Variants in GRIK1 observed in about 807,000 individuals in gnomAD.
GRIK1 encodes glutamate ionotropic receptor kainate type subunit 1, also known as glutamate receptor ionotropic, kainate 1.
GRIK1 carries 69 observed loss-of-function variants against 105.7 expected under a neutral mutation model. The observed-to-expected ratio is 0.65, with a 90% confidence interval of 0.54 to 0.80. The LOEUF is 0.80. Ranked by LOEUF, GRIK1 falls within the 30% of genes least tolerant of loss-of-function variation. GRIK1 has a pLI of 0.00. For missense variants in GRIK1, 1,109 were observed against 1,167.3 expected (o/e 0.95, Z 0.73); for synonymous variants, 438 against 431.3 (o/e 1.02, Z -0.19).
intron 1 of GRIK1, among the ~76,000 whole-genome samples, chr21:29,713,836 T>C (rs1417399302): frequency 6.6e-6 from 1 of 152,126 alleles, no homozygotes; most frequent in Non-Finnish European, 1.5e-5. Context: ...TGCCATTTGT[T>C]TTTTTTTGCT....
chr21:29,688,125 G>T (rs1245960157), intron 3 of GRIK1, among the ~76,000 whole-genome samples: 1 of 152,194 alleles, frequency 6.6e-6, no homozygotes, highest in East Asian at 1.9e-4. Context: ...ACAGCAAGCA[G>T]GTAAAGTTCT....
At chr21:29,578,808 AATTG>A (rs1438206518) in intron 13 of GRIK1, among the ~76,000 whole-genome samples, 1 of 152,100 alleles carries the variant, frequency 6.6e-6, no homozygotes, top group Non-Finnish European at 1.5e-5. Flanking sequence ...CTTTGTACTT[AATTG>A]ATCTAGCAGT....
intron 1 of GRIK1, among the ~76,000 whole-genome samples, chr21:29,794,277 AATC>A (rs1266767868): frequency 2.0e-4 from 31 of 152,358 alleles, no homozygotes; most frequent in Middle Eastern, 3.4e-3. Flanking sequence ...AGTGCATAGA[AATC>A]ATCAATTATT....
chr21:29,554,091 A>G (rs750707396), intron 16 of GRIK1, among the ~76,000 whole-genome samples: 2 of 152,172 alleles, frequency 1.3e-5, no homozygotes, highest in Non-Finnish European at 2.9e-5. Context: ...AAGTGGATCT[A>G]TTATCAGATT....
chr21:29,904,689 G>A (rs902198109), intron 1 of GRIK1, among the ~76,000 whole-genome samples: 2 of 152,104 alleles, frequency 1.3e-5, no homozygotes, highest in Non-Finnish European at 2.9e-5. Flanking sequence ...ACCAGGATGG[G>A]CCCTTCTGAA....
chr21:29,702,281 C>T (rs2063826679), intron 1 of GRIK1, among the ~76,000 whole-genome samples: 2 of 151,968 alleles, frequency 1.3e-5, no homozygotes, highest in South Asian at 2.1e-4. Context: ...GTGCATGTAC[C>T]CCTGAACTTA....
At chr21:29,919,354 G>T (rs774092998) in intron 1 of GRIK1, among the ~76,000 whole-genome samples, 1 of 152,156 alleles carries the variant, frequency 6.6e-6, no homozygotes, top group Admixed American at 6.6e-5. Flanking sequence ...CTGCAGAAAA[G>T]TGTCTCTTGT....
chr21:29,847,366 C>T (rs569944593), intron 1 of GRIK1, among the ~76,000 whole-genome samples: 146 of 152,262 alleles, frequency 9.6e-4, no homozygotes, highest in Non-Finnish European at 1.5e-3. Flanking sequence ...GAGGCCCAGG[C>T]GGGTGGATCA....
chr21:29,630,590 G>A (rs1265843655), intron 7 of GRIK1: 2 of 471,350 alleles, frequency 4.2e-6, no homozygotes, highest in Non-Finnish European at 8.8e-6. Context: ...CAACAACTAC[G>A]TGAGCTTGGA....
chr21:29,604,218 C>G (rs2061571495), intron 7 of GRIK1, among the ~76,000 whole-genome samples: 1 of 152,154 alleles, frequency 6.6e-6, no homozygotes. Context: ...CGCTTTTTCT[C>G]CTGCTCATCC....
At chr21:29,935,454 G>A (rs2071715294) in intron 1 of GRIK1, among the ~76,000 whole-genome samples, 4 of 152,050 alleles carry the variant, frequency 2.6e-5, no homozygotes, top group Admixed American at 1.3e-4. Context: ...TTAAAATGAT[G>A]AAAAAACTAA....
chr21:29,604,154 T>A lies in GRIK1; in HGVS notation c.1099-5217A>T, dbSNP rs151033330. Among the ~76,000 whole-genome samples the A allele has an allele frequency of 2.6e-5, 4 of 152,328 alleles. No individual in the cohort carries two copies. The East Asian group carries it at 7.7e-4, about 29-fold the overall frequency. ...GTTTGTTTGGATTCTCTTGCATTGA[T>A]TTTATTCTTGAACTTAGTGTTCCAA... is the stretch of plus-strand genomic sequence containing the variant. On this transcript the variant is annotated intron_variant, in intron 7 of 17. Coordinates refer to ENST00000327783, the MANE Select transcript of GRIK1 (RefSeq NM_001330994.2).
At chr21:29,860,417 T>G (rs1005604237) in intron 1 of GRIK1, among the ~76,000 whole-genome samples, 1 of 152,102 alleles carries the variant, frequency 6.6e-6, no homozygotes, top group African/African-American at 2.4e-5. Context: ...AGACAGAAAT[T>G]TTGACAAATA....
At chr21:29,848,747 T>TTG (rs143185091) in intron 1 of GRIK1, among the ~76,000 whole-genome samples, 46,327 of 76,364 alleles carry the variant, frequency 0.61, 16,797 homozygotes, top group Non-Finnish European at 0.76. Context: ...ATAGACCAAG[T>TTG]TGTGTGTGTA....
At chr21:29,837,904 T>C (rs2067856088) in intron 1 of GRIK1, among the ~76,000 whole-genome samples, 1 of 152,174 alleles carries the variant, frequency 6.6e-6, no homozygotes, top group African/African-American at 2.4e-5. Context: ...AGAAACTTTA[T>C]ATTTCTGGGA....
chr21:29,634,911 C>T (rs569557263), intron 7 of GRIK1, among the ~76,000 whole-genome samples: 40 of 152,162 alleles, frequency 2.6e-4, no homozygotes, highest in African/African-American at 8.7e-4. Flanking sequence ...AGTTTGTGTT[C>T]GTAAAGGGTA....
intron 1 of GRIK1, among the ~76,000 whole-genome samples, chr21:29,733,321 A>T (rs1454326552): frequency 6.6e-6 from 1 of 152,158 alleles, no homozygotes; most frequent in Admixed American, 6.5e-5. Flanking sequence ...CCAATAACTT[A>T]TAAATAATAA....
chr21:29,846,475 A>G (rs886905410), intron 1 of GRIK1, among the ~76,000 whole-genome samples: 7 of 76,428 alleles, frequency 9.2e-5, no homozygotes, highest in Admixed American at 3.4e-4. Flanking sequence ...GAAAGAAAGA[A>G]AGAAAGAAAG....
At chr21:29,633,722 C>T (rs1195533568) in intron 7 of GRIK1, among the ~76,000 whole-genome samples, 1 of 152,048 alleles carries the variant, frequency 6.6e-6, no homozygotes, top group Non-Finnish European at 1.5e-5. Context: ...CCTAAAAACC[C>T]ACTCTTCCTT....
Sources: gnomAD v4.1 joint callset for allele counts (sites outside exome capture counted in the v4.1 genomes callset) on GRCh38, gnomAD v4.1.1 for gene constraint, MANE v1.5 for transcripts, NCBI Gene and HGNC (gene_info 2026-07-23, HGNC 2026-07-21) for gene names.